TOX2: variants seen among roughly 807,000 people sequenced by gnomAD.
TOX2 encodes the protein granulosa cell HMG box 1.
TOX2 carries 15 observed loss-of-function variants against 47.4 expected under a neutral mutation model. The ratio of observed to expected loss-of-function variants is 0.32; its 90% CI spans 0.21 to 0.49. The LOEUF is 0.49. TOX2 is among the 20% of genes least tolerant of loss of function. The probability of loss-of-function intolerance (pLI) is 0.99; values close to 1 mark genes in which losing one functional copy is unlikely to be tolerated. For missense variants in TOX2, 622 were observed against 673.1 expected, an observed-to-expected ratio of 0.92 and a Z score of 0.84; for synonymous variants, 290 against 296.6, an observed-to-expected ratio of 0.98 and a Z score of 0.23.
At chr20:43,934,376 C>G (rs2069296550) in intron 1 of TOX2, among the ~76,000 whole-genome samples, 1 of 152,104 alleles carries the variant, frequency 6.6e-6, no homozygotes, top group Non-Finnish European at 1.5e-5. Flanking sequence ...CACAACAATC[C>G]TATGTAGAAA....
chr20:44,052,564 G>T (rs369464220), intron 4 of TOX2, among the ~76,000 whole-genome samples: 6 of 152,138 alleles, frequency 3.9e-5, no homozygotes, highest in Non-Finnish European at 7.4e-5. Context: ...AGGATGACTC[G>T]ACCTCTATTA....
intron 1 of TOX2, among the ~76,000 whole-genome samples, chr20:43,948,528 A>G (rs1220326050): frequency 2.6e-5 from 4 of 152,134 alleles, no homozygotes; most frequent in African/African-American, 7.2e-5. Context: ...CCGGTAATTA[A>G]TGAAATTGGG....
intron 3 of TOX2, among the ~76,000 whole-genome samples, chr20:44,022,067 C>T (rs543004949): frequency 3.3e-5 from 5 of 152,332 alleles, no homozygotes; most frequent in East Asian, 3.9e-4. Context: ...CCCACACATG[C>T]GTCCACAGCA....
chr20:43,972,014 T>C (rs1248354781), intron 1 of TOX2, among the ~76,000 whole-genome samples: 1 of 152,208 alleles, frequency 6.6e-6, no homozygotes, highest in Non-Finnish European at 1.5e-5. Flanking sequence ...TATATCTTAA[T>C]AAATAAATGG....
chr20:43,942,528 A>G (rs1309583099), intron 1 of TOX2, among the ~76,000 whole-genome samples: 1 of 152,150 alleles, frequency 6.6e-6, no homozygotes, highest in Non-Finnish European at 1.5e-5. Flanking sequence ...AAAAGAAAAA[A>G]CACAAAAATT....
chr20:43,998,720 C>CATCCATCTGTCTATCT (rs769839798), intron 2 of TOX2, among the ~76,000 whole-genome samples: 1 of 60,910 alleles, frequency 1.6e-5, no homozygotes, highest in Non-Finnish European at 3.6e-5. Context: ...TGGCCTGATA[C>CATCCATCTGTCTATCT]ATCTATCTAT....
At chr20:43,998,317 C>T (rs1354960290) in intron 2 of TOX2, among the ~76,000 whole-genome samples, 1 of 152,152 alleles carries the variant, frequency 6.6e-6, no homozygotes, top group Non-Finnish European at 1.5e-5. Context: ...AAAGCCAAAG[C>T]CTATCAGTGT....
chr20:44,059,567 ACAG>A (rs1394452295), intron 5 of TOX2, among the ~76,000 whole-genome samples: 1 of 151,830 alleles, frequency 6.6e-6, no homozygotes, highest in African/African-American at 2.4e-5. Flanking sequence ...TTTCAGATTA[ACAG>A]CAGATTTCTT....
intron 2 of TOX2, among the ~76,000 whole-genome samples, chr20:43,986,902 A>G (rs1249584302): frequency 6.6e-6 from 1 of 151,982 alleles, no homozygotes; most frequent in Non-Finnish European, 1.5e-5. Context: ...CCCTGTTTTA[A>G]AAAATTAAAT....
intron 5 of TOX2, among the ~76,000 whole-genome samples, chr20:44,056,536 C>T (rs751673632): frequency 1.3e-5 from 2 of 152,206 alleles, no homozygotes; most frequent in African/African-American, 4.8e-5. Flanking sequence ...TTCAGCGCAG[C>T]CCAGAGGCAA....
At chr20:44,021,423 G>A (rs890809167) in intron 3 of TOX2, among the ~76,000 whole-genome samples, 8 of 152,246 alleles carry the variant, frequency 5.3e-5, no homozygotes, top group African/African-American at 1.9e-4. Context: ...AGCCTGAGAT[G>A]GTCGCTACCC....
chr20:43,977,548 A>G (rs2070103434), intron 2 of TOX2, among the ~76,000 whole-genome samples: 1 of 152,048 alleles, frequency 6.6e-6, no homozygotes, highest in South Asian at 2.1e-4. Context: ...CCCTTTTTGA[A>G]AACTTTCACC....
intron 5 of TOX2, 152 bp from the exon 6 acceptor site, chr20:44,064,625 G>T: frequency 1.4e-6 from 1 of 706,178 alleles, no homozygotes; most frequent in Non-Finnish European, 2.4e-6. Flanking sequence ...AGCGCTCCCA[G>T]AAAGGGGCCA....
At chr20:44,042,010 G>A (rs1236860778) in intron 3 of TOX2, among the ~76,000 whole-genome samples, 1 of 152,232 alleles carries the variant, frequency 6.6e-6, no homozygotes, top group Non-Finnish European at 1.5e-5. Flanking sequence ...TAAAACATGT[G>A]TATTAGTCTG....
chr20:43,952,284 C>T (rs1030591501), intron 1 of TOX2, among the ~76,000 whole-genome samples: 9 of 152,076 alleles, frequency 5.9e-5, no homozygotes, highest in East Asian at 1.9e-4. Context: ...GCTATCTTCT[C>T]GCCCTGGCCC....
At chr20:43,955,309 G>A in intron 1 of TOX2, 1 of 985,334 alleles carries the variant, frequency 1.0e-6, no homozygotes, top group East Asian at 1.1e-4. Flanking sequence ...GGTCACAGGA[G>A]GGCCCATGGG....
chr20:43,919,691 AG>A (rs2069093160), intron 1 of TOX2, among the ~76,000 whole-genome samples: 1 of 152,124 alleles, frequency 6.6e-6, no homozygotes, highest in Admixed American at 6.6e-5. Context: ...GGCACTTGAC[AG>A]GCCCCGGTGT....
intron 3 of TOX2, among the ~76,000 whole-genome samples, chr20:44,017,759 C>T (rs2145638790): frequency 6.6e-6 from 1 of 152,258 alleles, no homozygotes; most frequent in Admixed American, 6.5e-5. Context: ...TTATTGTTGC[C>T]ATTTTACAGA....
At chr20:43,983,142 C>T (rs1466418111) in intron 2 of TOX2, among the ~76,000 whole-genome samples, 2 of 151,950 alleles carry the variant, frequency 1.3e-5, no homozygotes, top group Non-Finnish European at 2.9e-5. Flanking sequence ...GCCCCACTGC[C>T]CCTGTAGCAT....
Sources: allele counts gnomAD v4.1 joint callset (sites outside exome capture counted in the v4.1 genomes callset), GRCh38; gene constraint gnomAD v4.1.1; transcripts MANE v1.5; gene names NCBI Gene and HGNC (gene_info 2026-07-23, HGNC 2026-07-21).